Variants in ZNF385D observed in about 807,000 individuals in gnomAD.
ZNF385D encodes the protein zinc finger protein 659.
ZNF385D carries 15 observed loss-of-function variants against 35.8 expected under a neutral mutation model. The ratio of observed to expected loss-of-function variants is 0.42; its 90% CI spans 0.28 to 0.64. ZNF385D has a LOEUF of 0.64. ZNF385D is among the 30% of genes least tolerant of loss of function. The pLI is 0.23. For synonymous variants in ZNF385D, 212 were observed against 186.8 expected, an observed-to-expected ratio of 1.13 and a Z score of -1.10; for missense variants, 474 against 494.6, an observed-to-expected ratio of 0.96 and a Z score of 0.39.
chr3:21,793,287 A>G (rs1258047557), intron 3 of ZNF385D, among the ~76,000 whole-genome samples: 5 of 152,174 alleles, frequency 3.3e-5, no homozygotes, highest in Non-Finnish European at 7.3e-5. Context: ...TGTCCTGTAT[A>G]CTCCACAGGC....
At chr3:21,755,827 G>A (rs1359866196), upstream of ZNF385D, among the ~76,000 whole-genome samples, 1 of 152,050 alleles carries the variant, frequency 6.6e-6, no homozygotes, top group Admixed American at 6.5e-5. Context: ...CATGTGCCAG[G>A]CATTACTCCA....
At chr3:21,977,040 G>A (rs1402290943) in intron 3 of ZNF385D, among the ~76,000 whole-genome samples, 4 of 152,062 alleles carry the variant, frequency 2.6e-5, no homozygotes, top group Non-Finnish European at 4.4e-5. Flanking sequence ...CAACATTGAT[G>A]AATCAAACAT....
chr3:22,095,630 G>T (rs1489400538), intron 3 of ZNF385D, among the ~76,000 whole-genome samples: 1 of 150,628 alleles, frequency 6.6e-6, no homozygotes, highest in Non-Finnish European at 1.5e-5. Flanking sequence ...TTTCCTGAGT[G>T]CAGTGTATAA....
Position 21,809,046 on chromosome 3 carries a change from T to C in ZNF385D, c.326-144018A>G, listed in dbSNP as rs543299532. ...CCAGAGTCTTATAACATAAAATATA[T>C]GGAATATAATGATAAATTGCTCATC... On this transcript the variant is annotated intron_variant, in intron 3 of 5. Transcript: ENST00000494108. Among the ~76,000 whole-genome samples the C allele has an allele frequency of 9.2e-5, 14 of 152,210 alleles. No individual in the cohort carries two copies. The South Asian group carries it at 2.5e-3, about 27-fold the overall frequency.
At chr3:22,226,789 C>G (rs1214028577) in intron 2 of ZNF385D, among the ~76,000 whole-genome samples, 1 of 152,012 alleles carries the variant, frequency 6.6e-6, no homozygotes, top group Non-Finnish European at 1.5e-5. Context: ...TTCTCTGTAC[C>G]CCATTATCTG....
At chr3:21,513,554 A>G (rs996083482) in intron 3 of ZNF385D, among the ~76,000 whole-genome samples, 25 of 152,274 alleles carry the variant, frequency 1.6e-4, no homozygotes, top group Admixed American at 9.2e-4. Context: ...AAATTATATG[A>G]AGGTCCAAGG....
intron 3 of ZNF385D, among the ~76,000 whole-genome samples, chr3:22,043,934 G>T (rs950218077): frequency 5.3e-5 from 8 of 152,078 alleles, no homozygotes; most frequent in Non-Finnish European, 1.0e-4. Flanking sequence ...AGCTAGCAAG[G>T]ACTTGAAGTC....
chr3:21,976,983 A>G (rs73135329), intron 3 of ZNF385D, among the ~76,000 whole-genome samples: 42,606 of 150,858 alleles, frequency 0.28, 6,165 homozygotes, highest in East Asian at 0.33. Flanking sequence ...GCAAGACTCC[A>G]TCTCAGGAAA....
chr3:22,140,463 T>C (rs559126316), intron 3 of ZNF385D, among the ~76,000 whole-genome samples: 2 of 152,296 alleles, frequency 1.3e-5, no homozygotes, highest in South Asian at 4.1e-4. Context: ...AGCAATTGTG[T>C]ATCCCGGTTG....
intron 3 of ZNF385D, among the ~76,000 whole-genome samples, chr3:21,947,420 G>A (rs504917): frequency 0.26 from 39,346 of 151,776 alleles, 5,818 homozygotes; most frequent in Admixed American, 0.41. Context: ...GCACAATCTC[G>A]TCTCACTGCA....
intron 2 of ZNF385D, among the ~76,000 whole-genome samples, chr3:22,372,126 C>T (rs1012104066): frequency 6.6e-6 from 1 of 152,084 alleles, no homozygotes; most frequent in South Asian, 2.1e-4. Flanking sequence ...CTCGCCCCCC[C>T]GCCTCGGCCT....
At chr3:21,739,510 G>C (rs1243999314) in intron 1 of ZNF385D, among the ~76,000 whole-genome samples, 1 of 152,122 alleles carries the variant, frequency 6.6e-6, no homozygotes, top group Non-Finnish European at 1.5e-5. Context: ...AAACAAGGTC[G>C]ACAGGAACAT....
chr3:21,901,951 C>G (rs1421233415), intron 3 of ZNF385D, among the ~76,000 whole-genome samples: 1 of 152,066 alleles, frequency 6.6e-6, no homozygotes, highest in Non-Finnish European at 1.5e-5. Context: ...CTCGTATCAG[C>G]TTTCAAGAAT....
At position 22,215,484 on chromosome 3, in the gene ZNF385D, G is replaced by A. The variant is rs188551175; in HGVS notation, c.107-46449C>T. Among the ~76,000 whole-genome samples, 201 of 152,116 alleles carry A rather than the reference G, an allele frequency of 1.3e-3. 5 individuals are homozygous for A. In the East Asian group the frequency reaches 0.034, roughly 25 times the overall value. On this transcript the variant is annotated intron_variant, in intron 2 of 5. Transcript: ENST00000494108. ...CCGTCTTTTATGGTCGAGCTGTAAG[G>A]ATGAAATAAGCCCCAGTCTCCCATA... is the stretch of plus-strand genomic sequence containing the variant.
At position 21,865,661 on chromosome 3, in the gene ZNF385D, G is replaced by T. The variant is rs574327227; in HGVS notation, c.326-200633C>A. ...CACTGCTGGGTAATCTGTTAAATTA[G>T]GTGATCTTATAGTTTGAGGAACTTA... On this transcript the variant is annotated intron_variant, in intron 3 of 5. Transcript: ENST00000494108. Among the ~76,000 whole-genome samples, 39 of 152,200 alleles carry T rather than the reference G, an allele frequency of 2.6e-4. No individual in the cohort carries two copies. In the South Asian group the frequency reaches 3.9e-3, roughly 15 times the overall value.
chr3:22,188,741 C>T (rs745516188), intron 2 of ZNF385D, among the ~76,000 whole-genome samples: 6 of 152,160 alleles, frequency 3.9e-5, no homozygotes, highest in African/African-American at 9.7e-5. Context: ...TGAGCCACCG[C>T]GCCCAGCCGT....
chr3:21,513,474 T>C, intron 3 of ZNF385D, among the ~76,000 whole-genome samples: 2 of 152,286 alleles, frequency 1.3e-5, no homozygotes, highest in South Asian at 4.1e-4. Flanking sequence ...ACCTTGATAA[T>C]AATTATTTTA....
chr3:21,935,062 C>G (rs933409590), intron 3 of ZNF385D, among the ~76,000 whole-genome samples: 1 of 152,030 alleles, frequency 6.6e-6, no homozygotes, highest in Non-Finnish European at 1.5e-5. Flanking sequence ...TAAAACTATG[C>G]CACATTAATT....
intron 3 of ZNF385D, among the ~76,000 whole-genome samples, chr3:22,136,694 T>C (rs558690929): frequency 4.3e-4 from 66 of 152,172 alleles, no homozygotes; most frequent in Non-Finnish European, 8.8e-4. Flanking sequence ...CATTATGTCC[T>C]TCAATAGGAG....
Sources: allele counts gnomAD v4.1 joint callset (sites outside exome capture counted in the v4.1 genomes callset), GRCh38; gene constraint gnomAD v4.1.1; transcripts MANE v1.5; gene names NCBI Gene and HGNC (gene_info 2026-07-23, HGNC 2026-07-21).